The following OR3A2 variants were observed in gnomAD, a reference collection of about 807,000 sequenced individuals.
OR3A2 encodes the protein olfactory receptor 3A2.
For missense variants in OR3A2, 318 were observed against 392.8 expected (o/e 0.81, Z 1.61); for synonymous variants, 126 against 159.3 (o/e 0.79, Z 1.57).
At chr17:3,288,726 C>T (rs899814525), upstream of OR3A2, among the ~76,000 whole-genome samples, 4 of 152,130 alleles carry the variant, frequency 2.6e-5, no homozygotes, top group Non-Finnish European at 5.9e-5. Context: ...AAATGCTGTA[C>T]ATTTTTTGGC....
At chr17:3,376,983 C>T (rs1475335537) in intron 2 of OR3A2, among the ~76,000 whole-genome samples, 1 of 152,212 alleles carries the variant, frequency 6.6e-6, no homozygotes, top group Non-Finnish European at 1.5e-5. Context: ...AAATCCTTCT[C>T]TCCCATGATC....
At chr17:3,342,979 A>G (rs1233606696) in intron 2 of OR3A2, among the ~76,000 whole-genome samples, 1 of 152,188 alleles carries the variant, frequency 6.6e-6, no homozygotes, top group Non-Finnish European at 1.5e-5. Flanking sequence ...CCCCTCCTCC[A>G]GCCAGGCTTG....
At chr17:3,300,870 T>A (rs1342925021) in intron 3 of OR3A2, among the ~76,000 whole-genome samples, 1 of 128,140 alleles carries the variant, frequency 7.8e-6, no homozygotes, top group Non-Finnish European at 1.6e-5. Context: ...GGCCCTGGTG[T>A]GTGATGTTCC....
chr17:3,303,835 T>G (rs760840427), intron 3 of OR3A2, among the ~76,000 whole-genome samples: 8 of 150,304 alleles, frequency 5.3e-5, no homozygotes, highest in Non-Finnish European at 1.0e-4. Context: ...GAGGTTGCAG[T>G]GAGCCGAGAT....
At chr17:3,340,792 A>C (rs2150647321) in intron 2 of OR3A2, among the ~76,000 whole-genome samples, 1 of 152,312 alleles carries the variant, frequency 6.6e-6, no homozygotes, top group Non-Finnish European at 1.5e-5. Context: ...CATTTGGTGC[A>C]GAGCTGAGTT....
intron 2 of OR3A2, among the ~76,000 whole-genome samples, chr17:3,338,370 GC>G (rs2049289005): frequency 6.6e-6 from 1 of 152,104 alleles, no homozygotes; most frequent in South Asian, 2.1e-4. Flanking sequence ...GAATGCTATT[GC>G]CTAGGTTTTC....
At chr17:3,335,216 C>A (rs1390986202) in intron 3 of OR3A2, among the ~76,000 whole-genome samples, 2 of 152,068 alleles carry the variant, frequency 1.3e-5, no homozygotes, top group South Asian at 2.1e-4. Flanking sequence ...AAAATATTAA[C>A]CTTTTCATAT....
At chr17:3,286,861 C>T (rs770826450), upstream of OR3A2, among the ~76,000 whole-genome samples, 1 of 152,074 alleles carries the variant, frequency 6.6e-6, no homozygotes, top group Non-Finnish European at 1.5e-5. Flanking sequence ...TTCTCCCATT[C>T]CGTAGGTTGC....
chr17:3,342,369 CT>C lies in OR3A2; in HGVS notation c.-178-6244del, dbSNP rs762281977. Among the ~76,000 whole-genome samples the C allele has an allele frequency of 3.3e-4, 50 of 152,194 alleles. 1 individual carries two copies. The highest frequency in any genetic ancestry group is 7.3e-5 in the Non-Finnish European group (5 of 68,040). On this transcript the variant is annotated intron_variant, in intron 2 of 4. Coordinates refer to the OR3A2 transcript ENST00000573491. ...GAGCTCTGGTTTTTAGAATTTTCAG[CT>C]TTTCTCCTCTGGTTTCTCCCCATCT... is the stretch of plus-strand genomic sequence containing the variant.
chr17:3,279,115 G>T, intron 1 of OR3A2: 1 of 843,952 alleles, frequency 1.2e-6, no homozygotes, highest in Non-Finnish European at 1.8e-6. Context: ...CCACCACCTT[G>T]TCCTCCTCAT....
rs184593604 is a variant in OR3A2, at chr17:3,364,746, T to A, written c.-179+19058A>T. Among the ~76,000 whole-genome samples the A allele has an allele frequency of 3.2e-4, 48 of 152,298 alleles. No individual in the cohort carries two copies. The East Asian group carries it at 7.7e-3, about 25-fold the overall frequency. Reference sequence around the variant, plus strand: ...TCCAGCAATCTCACTCCTGGGTATATAGCCAAAGGAAGTGAAATCACCATG... The same window carrying A: ...TCCAGCAATCTCACTCCTGGGTATAAAGCCAAAGGAAGTGAAATCACCATG... On this transcript the variant is annotated intron_variant, in intron 2 of 4. Transcript: ENST00000573491.
At chr17:3,343,258 C>A (rs2049335665) in intron 2 of OR3A2, among the ~76,000 whole-genome samples, 1 of 152,218 alleles carries the variant, frequency 6.6e-6, no homozygotes, top group Non-Finnish European at 1.5e-5. Context: ...CCTCTGTGGG[C>A]TGCTCCCACT....
chr17:3,331,767 T>C (rs1434100106), intron 3 of OR3A2, among the ~76,000 whole-genome samples: 1 of 152,090 alleles, frequency 6.6e-6, no homozygotes, highest in Non-Finnish European at 1.5e-5. Flanking sequence ...AGGAACTGCA[T>C]TCCTTTGGAG....
intron 1 of OR3A2, among the ~76,000 whole-genome samples, chr17:3,385,195 AAAATAAAT>A (rs770779070): frequency 5.3e-5 from 8 of 152,176 alleles, no homozygotes; most frequent in Admixed American, 6.5e-5. Context: ...ACTCCGTCTC[AAAATAAAT>A]AAATAAATAA....
chr17:3,302,245 T>A (rs1373235557), intron 3 of OR3A2, among the ~76,000 whole-genome samples: 5 of 152,134 alleles, frequency 3.3e-5, no homozygotes, highest in African/African-American at 1.2e-4. Context: ...AAAAACTACT[T>A]TAAAGTTCAT....
chr17:3,301,135 G>T (rs1177904084), intron 3 of OR3A2, among the ~76,000 whole-genome samples: 2 of 152,046 alleles, frequency 1.3e-5, no homozygotes, highest in Non-Finnish European at 2.9e-5. Flanking sequence ...TATTGTGAAT[G>T]GTGCCACAAT....
At chr17:3,331,801 G>C (rs2049237183) in intron 3 of OR3A2, among the ~76,000 whole-genome samples, 2 of 151,944 alleles carry the variant, frequency 1.3e-5, no homozygotes, top group Admixed American at 6.6e-5. Context: ...CTGCATTTTA[G>C]AGTTTCCAGT....
At chr17:3,282,005 A>G (rs62089525) in intron 1 of OR3A2, among the ~76,000 whole-genome samples, 5,252 of 152,304 alleles carry the variant, frequency 0.034, 148 homozygotes, top group Non-Finnish European at 0.058. Context: ...CCTGGGAGGC[A>G]TGATGATGGC....
chr17:3,292,059 T>C lies in OR3A2; in HGVS notation c.-84-12906A>G, dbSNP rs61734043. ...GTCACAGTAGAAGTGATTGATCACA[T>C]TGGGGCCACAGAAGTTGAGCGTGGA... On this transcript the variant is annotated intron_variant, in intron 3 of 4. Coordinates refer to the OR3A2 transcript ENST00000573491. 2,674 of 1,614,084 alleles carry C rather than the reference T, an allele frequency of 1.7e-3. 20 individuals are homozygous for C. In the African/African-American group the frequency reaches 0.02, roughly 12 times the overall value.
Sources: allele counts gnomAD v4.1 joint callset (sites outside exome capture counted in the v4.1 genomes callset), GRCh38; gene constraint gnomAD v4.1.1; transcripts MANE v1.5; gene names NCBI Gene and HGNC (gene_info 2026-07-23, HGNC 2026-07-21).